The following DHX37 variants were observed in gnomAD, a reference collection of about 807,000 sequenced individuals.
DHX37 encodes the protein probable ATP-dependent RNA helicase DHX37.
DHX37 carries 52 observed loss-of-function variants against 134.3 expected under a neutral mutation model. That is an observed-to-expected ratio of 0.39 (90% CI 0.31 to 0.49). The LOEUF is 0.49. Ranked by LOEUF, DHX37 falls within the 20% of genes least tolerant of loss-of-function variation. The pLI is 0.93. For synonymous variants in DHX37, 634 were observed against 670.7 expected (o/e 0.95, Z 0.85); for missense variants, 1,344 against 1,580.8 (o/e 0.85, Z 2.54).
intron 6 of DHX37, 109 bp downstream of exon 6, chr12:124,975,310 C>T: frequency 1.8e-6 from 2 of 1,128,088 alleles, no homozygotes; most frequent in Admixed American, 2.0e-5. Flanking sequence ...GGTGACACTC[C>T]ACCCAGCACC....
chr12:124,963,076 T>G (rs143268673), intron 15 of DHX37, among the ~76,000 whole-genome samples: 1 of 152,192 alleles, frequency 6.6e-6, no homozygotes, highest in African/African-American at 2.4e-5. Flanking sequence ...CTATCCACAA[T>G]AGCCAAGAGG....
chr12:124,954,707 T>A (rs1566325535), intron 18 of DHX37, among the ~76,000 whole-genome samples: 1 of 152,164 alleles, frequency 6.6e-6, no homozygotes, highest in Non-Finnish European at 1.5e-5. Flanking sequence ...CACTGCACCA[T>A]TTTTAGGTAA....
rs369243193 is a variant in DHX37, at chr12:124,948,171, G to A, written c.3301C>T (p.Arg1101Cys). Reference sequence around the variant, plus strand: ...AGGGCTCGCAGAAGGCTCTCCGTACGGGGCTGCAGCCTGTGGGGCAGGAAT... The same window carrying A: ...AGGGCTCGCAGAAGGCTCTCCGTACAGGGCTGCAGCCTGTGGGGCAGGAAT... The part of the protein sequence containing the change: ...MLKTWARLQP[R>C]TESLLRALVA... The change falls in exon 26 of 27, where the codon CGT becomes TGT. Residue 1101 changes from arginine to cysteine, a missense_variant. Arg to Cys is a radical substitution (Grantham distance 180). Around this residue, in one of 7 missense-constraint regions of DHX37, gnomAD observed 558 missense variants for 650.0 expected, o/e 0.86. Coordinates refer to ENST00000308736, the MANE Select transcript of DHX37 (RefSeq NM_032656.4). 1.5e-5 allele frequency: 25 copies of A among 1,613,848 alleles called. No homozygotes were observed. The highest frequency in any genetic ancestry group is 2.2e-5 in the East Asian group (1 of 44,882).
intron 6 of DHX37, among the ~76,000 whole-genome samples, chr12:124,973,711 G>A (rs113184415): frequency 0.034 from 4,660 of 138,734 alleles, 270 homozygotes; most frequent in African/African-American, 0.12. Context: ...GCGTGATCTC[G>A]GCTCATGGCA....
At chr12:124,963,740 C>T (rs567862845) in intron 15 of DHX37, among the ~76,000 whole-genome samples, 31 of 150,262 alleles carry the variant, frequency 2.1e-4, no homozygotes, top group Non-Finnish European at 3.8e-4. Context: ...ATTAGCCGGG[C>T]GTGGTGGCAG....
rs1467221068 is a variant in DHX37 at position 124,952,640 on chromosome 12, A to G, written c.2696-70T>C. The G allele has an allele frequency of 1.9e-5, 28 of 1,467,950 alleles. 1 individual carries two copies. Among genetic ancestry groups the G allele is most frequent in the Non-Finnish European group, 2.5e-5 (28 of 1,098,840 alleles). The allele number at this position is 1,467,950 out of a possible 1,614,324, so 90.9% of individuals were successfully genotyped here. A position where few individuals can be genotyped will look rare whatever the true frequency, so the allele number is the denominator to read the frequency against. ...AGCCAGCTCTGCCCTGACCTCCTAG[A>G]AAGTCCCAACCATGCTCAGTGCTCT... On this transcript the variant is annotated intron_variant, in intron 20 of 26. Transcript: ENST00000308736.
Position 124,980,835 on chromosome 12 carries a change from C to G in DHX37, c.393G>C (p.Lys131Asn). 6.4e-7 allele frequency: 1 copy of G among 1,550,792 alleles called. No individual in the cohort carries two copies. The highest frequency in any genetic ancestry group is 8.7e-7 in the Non-Finnish European group (1 of 1,151,530). The change falls in exon 4 of 27, where the codon AAG becomes AAC. Residue 131 changes from lysine to asparagine, a missense_variant. Lys to Asn is a moderately conservative substitution (Grantham distance 94, BLOSUM62 0). This residue lies in a region of DHX37 where 319 missense variants were observed against 296.1 expected (regional missense o/e 1.08). Transcript: ENST00000308736. This position sits in a 1 kb window ranked among gnomAD's most constrained non-coding sequence, Gnocchi z 5.3. ...GGCCCGGGGCTACCACCTCGTCAGC[C>G]TTCCTGTTGAGATAGCAGAGACTTC... ...TGNRMYHTKEKADEVVAPGQE... is the reference protein window; with the variant it reads ...TGNRMYHTKENADEVVAPGQE...
chr12:124,964,217 A>AAAC (rs1954331187), intron 15 of DHX37, among the ~76,000 whole-genome samples, 177 bp downstream of exon 15: 1 of 150,572 alleles, frequency 6.6e-6, no homozygotes, highest in Non-Finnish European at 1.5e-5. Context: ...AAAAAAAAAA[A>AAAC]TAGTGTGAGT....
At chr12:124,967,096 G>C (rs769288766) in intron 11 of DHX37, 27 bp downstream of exon 11, 2 of 1,611,698 alleles carry the variant, frequency 1.2e-6, no homozygotes, top group African/African-American at 1.3e-5. Context: ...GCTCAGGGCA[G>C]AGTGCTGGTC....
rs2135948419 is a variant in DHX37, at chr12:124,966,894, G to C, written c.1505-16C>G. 1 of 1,614,254 alleles carries C rather than the reference G, an allele frequency of 6.2e-7. No homozygotes were observed. Among genetic ancestry groups the C allele is most frequent in the East Asian group, 2.2e-5 (1 of 44,888 alleles). Reference sequence around the variant, plus strand: ...TCGTCCTTTTCTGGGAGAGGGGCAGGTTGGGGAGAAAGGCGTCTGTGGCCG... The same window carrying C: ...TCGTCCTTTTCTGGGAGAGGGGCAGCTTGGGGAGAAAGGCGTCTGTGGCCG... On this transcript the variant is annotated splice_polypyrimidine_tract_variant and intron_variant, in intron 11 of 26. Coordinates refer to ENST00000308736, the MANE Select transcript of DHX37 (RefSeq NM_032656.4).
intron 1 of DHX37, 101 bp from the exon 2 acceptor site, chr12:124,986,366 C>T (rs1293681722): frequency 1.0e-5 from 13 of 1,305,388 alleles, no homozygotes; most frequent in Non-Finnish European, 1.3e-5. Context: ...TGAGTCTGCA[C>T]ACAGGAACAG....
chr12:124,978,227 C>T (rs1432935168), intron 4 of DHX37, among the ~76,000 whole-genome samples: 1 of 148,794 alleles, frequency 6.7e-6, no homozygotes, highest in African/African-American at 2.5e-5. Context: ...TCCCAAAGTG[C>T]TGGGATTACA....
chr12:124,969,217 G>C (rs922080881), intron 8 of DHX37, among the ~76,000 whole-genome samples: 1 of 152,170 alleles, frequency 6.6e-6, no homozygotes, highest in Non-Finnish European at 1.5e-5. Context: ...CAGGTGGGCT[G>C]AGACTGGGGC....
At chr12:124,973,273 G>A (rs1954557885) in intron 6 of DHX37, among the ~76,000 whole-genome samples, 1 of 151,910 alleles carries the variant, frequency 6.6e-6, no homozygotes, top group Admixed American at 6.6e-5. Flanking sequence ...AAAATTAGCC[G>A]GGCACCTGCA....
chr12:124,953,562 CA>C, intron 20 of DHX37: 2 of 360,642 alleles, frequency 5.5e-6, no homozygotes, highest in South Asian at 5.5e-5. Context: ...GTCTGGGGGA[CA>C]TGTGGGAGGG....
intron 16 of DHX37, among the ~76,000 whole-genome samples, chr12:124,959,740 A>G (rs1455127754): frequency 6.6e-6 from 1 of 152,226 alleles, no homozygotes; most frequent in Non-Finnish European, 1.5e-5. Context: ...GAACATATTA[A>G]CATCCAGAAA....
intron 4 of DHX37, among the ~76,000 whole-genome samples, chr12:124,979,750 G>A (rs999720889): frequency 5.9e-4 from 90 of 152,316 alleles, no homozygotes; most frequent in African/African-American, 2.2e-4. Flanking sequence ...GTGACCGCGC[G>A]GAGCAGAACC....
Position 124,980,793 on chromosome 12 carries a change from G to A in DHX37, c.435C>T (p.Ser145=), listed in dbSNP as rs1954744748. The part of the protein sequence containing the change: ...VVAPGQEKIS[S]LSGAHRKRRR... The stretch of plus-strand genomic sequence containing the variant: ...GACGCTTCCGGTGGGCACCGCTGAG[G>A]CTACTGATCTTCTCCTGGCCCGGGG... Residue 145 remains serine (S), a synonymous_variant, in exon 4 of 27, where the codon AGC becomes AGT. Coordinates refer to ENST00000308736, the MANE Select transcript of DHX37 (RefSeq NM_032656.4). This position sits in a 1 kb window ranked among gnomAD's most constrained non-coding sequence, Gnocchi z 5.3. 1 of 1,557,738 alleles carries A rather than the reference G, an allele frequency of 6.4e-7. No individual in the cohort carries two copies. The highest frequency in any genetic ancestry group is 8.7e-7 in the Non-Finnish European group (1 of 1,153,694).
intron 3 of DHX37, among the ~76,000 whole-genome samples, chr12:124,982,143 A>AACACG (rs1201290277): frequency 6.6e-6 from 1 of 151,364 alleles, no homozygotes; most frequent in Non-Finnish European, 1.5e-5. Context: ...AACAAAAAAA[A>AACACG]ACACGACACA....
Sources: allele counts gnomAD v4.1 joint callset (sites outside exome capture counted in the v4.1 genomes callset), GRCh38; gene constraint gnomAD v4.1.1; regional missense constraint gnomAD v4.1.1; non-coding constraint Gnocchi (gnomAD v3.1); transcripts MANE v1.5; gene names NCBI Gene and HGNC (gene_info 2026-07-23, HGNC 2026-07-21).